The following ZZEF1 variants were observed in gnomAD, a reference collection of about 807,000 sequenced individuals.
ZZEF1 encodes the protein zinc finger ZZ-type and EF-hand domain containing 1, also known as zinc finger ZZ-type and EF-hand domain-containing protein 1.
Under a neutral mutation model 342.8 loss-of-function variants are expected in ZZEF1, and 157 were observed. That is an observed-to-expected ratio of 0.46 (90% CI 0.40 to 0.52). ZZEF1 has a LOEUF of 0.52. Among genes scored for constraint, ZZEF1 ranks in the 20% least tolerant of loss-of-function variants. The probability of loss-of-function intolerance (pLI) is 0.00; values close to 1 mark genes in which losing one functional copy is unlikely to be tolerated. For synonymous variants in ZZEF1, 1,505 were observed against 1,429.1 expected, an observed-to-expected ratio of 1.05 and a Z score of -1.20; for missense variants, 3,480 against 3,725.6, an observed-to-expected ratio of 0.93 and a Z score of 1.72.
At chr17:4,098,455 A>G (rs1043775732) in intron 9 of ZZEF1, among the ~76,000 whole-genome samples, 17 of 152,192 alleles carry the variant, frequency 1.1e-4, no homozygotes, top group African/African-American at 2.9e-4. Flanking sequence ...TAAATAAATT[A>G]AAAGTATGAA....
intron 9 of ZZEF1, among the ~76,000 whole-genome samples, chr17:4,101,375 A>T (rs2145433951): frequency 6.6e-6 from 1 of 152,274 alleles, no homozygotes; most frequent in East Asian, 1.9e-4. Context: ...CTGCTGGAAC[A>T]TTCCACTTCC....
At position 4,128,723 on chromosome 17, in the gene ZZEF1, A is replaced by C. The variant is rs563717145; in HGVS notation, c.355-4672T>G. Reference sequence around the variant, plus strand: ...GTGATCTGCCTGCCTCGGCCTCCCAAAGTGCTGGGATTAAAGGCGTGAGCT... The same window carrying C: ...GTGATCTGCCTGCCTCGGCCTCCCACAGTGCTGGGATTAAAGGCGTGAGCT... On this transcript the variant is annotated intron_variant, in intron 1 of 54. Transcript: ENST00000381638. Among the ~76,000 whole-genome samples, 110 of 150,850 alleles carry C rather than the reference A, an allele frequency of 7.3e-4. 1 individual carries two copies. The Middle Eastern group carries it at 0.014, about 20-fold the overall frequency.
At chr17:4,073,418 T>C (rs910799705) in intron 24 of ZZEF1, among the ~76,000 whole-genome samples, 9 of 151,818 alleles carry the variant, frequency 5.9e-5, no homozygotes, top group Admixed American at 5.9e-4. Context: ...TAAACAATTA[T>C]ACTGAACACA....
intron 1 of ZZEF1, among the ~76,000 whole-genome samples, chr17:4,132,926 A>G (rs2058691153): frequency 2.0e-5 from 3 of 152,140 alleles, no homozygotes; most frequent in Admixed American, 2.0e-4. Flanking sequence ...AGATCACGCC[A>G]CTGCAGTCCA....
At position 4,054,048 on chromosome 17, in the gene ZZEF1, G is replaced by T; in HGVS notation, c.5434+9C>A. On this transcript the variant is annotated intron_variant, in intron 34 of 54. Transcript: ENST00000381638. ...TTTGGATACGGCGTACCCAGTTCATGAAATTTACCTAGGAAGCAAGTTTTG... is the reference window on the plus strand; with the variant it reads ...TTTGGATACGGCGTACCCAGTTCATTAAATTTACCTAGGAAGCAAGTTTTG... The T allele has an allele frequency of 6.2e-7, 1 of 1,608,352 alleles. No homozygotes were observed. The highest frequency in any genetic ancestry group is 8.5e-7 in the Non-Finnish European group (1 of 1,176,904).
chr17:4,121,054 A>C (rs576529645), intron 2 of ZZEF1, among the ~76,000 whole-genome samples: 1 of 152,344 alleles, frequency 6.6e-6, no homozygotes, highest in East Asian at 1.9e-4. Flanking sequence ...TTGGGTGCTG[A>C]TGAAAAGTTT....
intron 8 of ZZEF1, among the ~76,000 whole-genome samples, chr17:4,103,106 T>C (rs1039593622): frequency 2.6e-5 from 4 of 152,134 alleles, no homozygotes; most frequent in African/African-American, 9.7e-5. Flanking sequence ...CTATCCCTTC[T>C]ATCCAGCCAT....
chr17:4,059,270 C>A lies in ZZEF1; in HGVS notation c.4904G>T (p.Gly1635Val), dbSNP rs1359246074. 6.3e-7 allele frequency: 1 copy of A among 1,595,714 alleles called. No homozygotes were observed. Among genetic ancestry groups the A allele is most frequent in the East Asian group, 2.3e-5 (1 of 44,238 alleles). The change falls in exon 31 of 55, where the codon GGC becomes GTC. Residue 1635 changes from glycine (G) to valine (V), a missense_variant. Physicochemically the swap from Gly to Val is moderately radical, Grantham distance 109. Around this residue, in one of 5 missense-constraint regions of ZZEF1, gnomAD observed 1,528 missense variants for 1,624.1 expected, o/e 0.94. Coordinates refer to ENST00000381638, the MANE Select transcript of ZZEF1 (RefSeq NM_015113.4). Reference protein sequence around the residue: ...DFTNYFGHLEGCGADLHKEIR... With the variant: ...DFTNYFGHLEVCGADLHKEIR... ...TTCTTTGTGTAGATCAGCACCACAG[C>A]CTTCCAGGTGTCCAAAATAACTAGA... is the stretch of plus-strand genomic sequence containing the variant.
intron 39 of ZZEF1, among the ~76,000 whole-genome samples, chr17:4,038,043 G>C (rs917216063): frequency 6.6e-6 from 1 of 152,182 alleles, no homozygotes; most frequent in African/African-American, 2.4e-5. Flanking sequence ...CTTGTTTGTA[G>C]AAAACACACA....
At chr17:4,049,254 G>A (rs1322435808) in intron 37 of ZZEF1, among the ~76,000 whole-genome samples, 2 of 152,002 alleles carry the variant, frequency 1.3e-5, no homozygotes, top group Non-Finnish European at 2.9e-5. Context: ...GCTCATGCCT[G>A]TAATCCCATC....
chr17:4,106,997 G>T (rs2058223340), intron 6 of ZZEF1, among the ~76,000 whole-genome samples: 1 of 152,140 alleles, frequency 6.6e-6, no homozygotes, highest in Non-Finnish European at 1.5e-5. Context: ...CCATTTTGGG[G>T]TTGCACAAAC....
At chr17:4,009,041 A>C in intron 53 of ZZEF1, 87 bp from the exon 54 acceptor site, 1 of 1,459,510 alleles carries the variant, frequency 6.9e-7, no homozygotes, top group Non-Finnish European at 9.2e-7. Flanking sequence ...TGCTTGCGAA[A>C]GCAGAAGCCT....
rs1044136979 is a variant in ZZEF1, at chr17:4,074,063, A to G, written c.3685+87T>C. The G allele has an allele frequency of 2.1e-6, 3 of 1,442,728 alleles. No individual in the cohort carries two copies. In the African/African-American group the frequency reaches 4.2e-5, roughly 20 times the overall value. The allele number at this position is 1,442,728 out of a possible 1,614,324, so 89.4% of individuals were successfully genotyped here. On this transcript the variant is annotated intron_variant, in intron 24 of 54. Transcript: ENST00000381638. ...GGCGTATTATTAACCCCCTGCCATT[A>G]CGTGGAAACGACCTACAAGAGGGCA...
intron 16 of ZZEF1, among the ~76,000 whole-genome samples, chr17:4,084,002 ATT>A (rs1313639661): frequency 2.6e-5 from 4 of 152,060 alleles, no homozygotes; most frequent in African/African-American, 9.7e-5. Flanking sequence ...ACAAATAAAT[ATT>A]TGTTTTATTC....
chr17:4,016,808 AT>A lies in ZZEF1; in HGVS notation c.8002-343del, dbSNP rs1355695988. ...AAATAATGACCACACAATGTAATCGATGCCTGGAGTGAGGTGCAGGGTTGGG... is the reference window on the plus strand; with the variant it reads ...AAATAATGACCACACAATGTAATCGAGCCTGGAGTGAGGTGCAGGGTTGGG... On this transcript the variant is annotated intron_variant, in intron 48 of 54. Transcript: ENST00000381638. The surrounding 1 kb of genome is among the most constrained non-coding windows in gnomAD (Gnocchi z 4.4). 1 of 224,962 alleles carries A rather than the reference AT, an allele frequency of 4.4e-6. No homozygotes were observed. Among genetic ancestry groups the A allele is most frequent in the Non-Finnish European group, 8.8e-6 (1 of 113,736 alleles). The allele number at this position is 224,962 out of a possible 1,614,324, so 13.9% of individuals were successfully genotyped here.
chr17:4,061,256 T>C (rs2057281180), intron 30 of ZZEF1, among the ~76,000 whole-genome samples: 1 of 152,216 alleles, frequency 6.6e-6, no homozygotes. Flanking sequence ...TTCTTATCTT[T>C]TGAGATCCAT....
intron 53 of ZZEF1, chr17:4,009,262 TTCAA>T (rs1371394499): frequency 3.4e-5 from 19 of 558,470 alleles, no homozygotes; most frequent in Admixed American, 6.2e-5. Context: ...AGCTCCCACA[TTCAA>T]TCAGTCTATT....
rs780676623 is a variant in ZZEF1 at position 4,090,734 on chromosome 17, C to G, written c.2010G>C (p.Gln670His). The change falls in exon 12 of 55, where the codon CAG (glutamine) becomes CAC (histidine). Residue 670 changes from glutamine to histidine, a missense_variant. Around this residue, in one of 5 missense-constraint regions of ZZEF1, gnomAD observed 1,528 missense variants for 1,624.1 expected, o/e 0.94. Coordinates refer to ENST00000381638, the MANE Select transcript of ZZEF1 (RefSeq NM_015113.4). ...EWDEADVKLQ[Q>H]CRVAKYLMVK... ...TAATGCTTACTTTGGCAACTCTGCACTGTTGCAGCTTCACATCTGCTTCAT... is the reference window on the plus strand; with the variant it reads ...TAATGCTTACTTTGGCAACTCTGCAGTGTTGCAGCTTCACATCTGCTTCAT... 1.4e-4 allele frequency: 221 copies of G among 1,614,016 alleles called. 1 individual carries two copies. In the South Asian group the frequency reaches 1.4e-3, roughly 10 times the overall value.
At chr17:4,140,832 C>A (rs1051988870) in intron 1 of ZZEF1, among the ~76,000 whole-genome samples, 4 of 151,416 alleles carry the variant, frequency 2.6e-5, no homozygotes, top group Admixed American at 6.6e-5. Flanking sequence ...TCTCATAATA[C>A]GCGTAGATAC....
Sources: allele counts gnomAD v4.1 joint callset (sites outside exome capture counted in the v4.1 genomes callset), GRCh38; gene constraint gnomAD v4.1.1; regional missense constraint gnomAD v4.1.1; non-coding constraint Gnocchi (gnomAD v3.1); transcripts MANE v1.5; gene names NCBI Gene and HGNC (gene_info 2026-07-23, HGNC 2026-07-21).